Variants in ARHGAP6 observed in about 807,000 individuals in gnomAD.
The protein encoded by ARHGAP6 is rho GTPase-activating protein 6.
ARHGAP6 carries 16 observed loss-of-function variants against 55.7 expected under a neutral mutation model. The observed-to-expected ratio is 0.29, with a 90% confidence interval of 0.19 to 0.44. ARHGAP6 has a LOEUF of 0.44. Among genes scored for constraint, ARHGAP6 ranks in the 20% least tolerant of loss-of-function variants. ARHGAP6 has a pLI of 1.00. For missense variants in ARHGAP6, 698 were observed against 808.9 expected, an observed-to-expected ratio of 0.86 and a Z score of 1.66; for synonymous variants, 382 against 360.9, an observed-to-expected ratio of 1.06 and a Z score of -0.66.
chrX:11,634,145 G>T (rs1437520388), intron 1 of ARHGAP6, among the ~76,000 whole-genome samples: 1 of 107,755 alleles, frequency 9.3e-6, no homozygotes. Flanking sequence ...GGGACTGCAG[G>T]TGTGCACCAC....
At chrX:11,147,584 C>A (rs761690825) in intron 10 of ARHGAP6, among the ~76,000 whole-genome samples, 34 of 112,761 alleles carry the variant, frequency 3.0e-4, no homozygotes, top group African/African-American at 8.7e-4. Flanking sequence ...CCATTTTCCA[C>A]TTCTAAATCT....
intron 2 of ARHGAP6, among the ~76,000 whole-genome samples, chrX:11,229,331 T>C (rs965562120): frequency 1.3e-4 from 15 of 112,451 alleles, no homozygotes; most frequent in African/African-American, 3.5e-4. Flanking sequence ...TGCTGAGCCA[T>C]TGGCTTGTGG....
intron 2 of ARHGAP6, among the ~76,000 whole-genome samples, chrX:11,202,528 G>A (rs973917193): frequency 2.7e-5 from 3 of 110,900 alleles, no homozygotes; most frequent in Non-Finnish European, 5.7e-5. Context: ...TAAGAATTGG[G>A]TGGGCATGGT....
chrX:11,525,146 T>C (rs1337339055), intron 1 of ARHGAP6, among the ~76,000 whole-genome samples: 5 of 111,827 alleles, frequency 4.5e-5, no homozygotes, highest in East Asian at 5.6e-4. Context: ...GACCAGAGGA[T>C]TGGGGACCCC....
At chrX:11,248,408 T>C (rs2047379744) in intron 2 of ARHGAP6, among the ~76,000 whole-genome samples, 1 of 111,620 alleles carries the variant, frequency 9.0e-6, no homozygotes, top group South Asian at 3.7e-4. Context: ...AAAAGAAAGA[T>C]AAATAGCTGG....
chrX:11,431,403 G>C (rs754163451), intron 1 of ARHGAP6, among the ~76,000 whole-genome samples: 22 of 112,905 alleles, frequency 1.9e-4, no homozygotes, highest in Non-Finnish European at 3.4e-4. Context: ...CCTATAGGCT[G>C]AGTTAAAATT....
At chrX:11,623,696 C>CAAA (rs60192011) in intron 1 of ARHGAP6, among the ~76,000 whole-genome samples, 62 of 57,909 alleles carry the variant, frequency 1.1e-3, no homozygotes, top group African/African-American at 3.9e-3. Context: ...GACTCGGTCT[C>CAAA]AAAAAAAAAA....
intron 1 of ARHGAP6, among the ~76,000 whole-genome samples, chrX:11,264,976 G>A (rs1022646821): frequency 4.4e-5 from 5 of 112,368 alleles, no homozygotes; most frequent in African/African-American, 1.6e-4. Context: ...GTTAGGATTT[G>A]AAGCCAGGCT....
At chrX:11,378,938 C>T (rs1052476901) in intron 1 of ARHGAP6, among the ~76,000 whole-genome samples, 4 of 112,540 alleles carry the variant, frequency 3.6e-5, no homozygotes, top group African/African-American at 1.3e-4. Flanking sequence ...ACGGTTTTAT[C>T]AATACTATTA....
Position 11,179,427 on chromosome X carries a change from A to G in ARHGAP6, c.1355T>C (p.Ile452Thr), listed in dbSNP as rs2046281039. ...GTGCTCCTCCTCCAGAGAGACATCA[A>G]TCCCACGGTCAAATTCCTCACGTAA... Reference protein sequence around the residue: ...RQLREEFDRGIDVSLEEEHSV... With the variant: ...RQLREEFDRGTDVSLEEEHSV... The change falls in exon 7 of 13, where the codon ATT (isoleucine) becomes ACT (threonine). Residue 452 changes from isoleucine to threonine, a missense_variant. Around this residue, in one of 3 missense-constraint regions of ARHGAP6, gnomAD observed 322 missense variants for 451.1 expected, o/e 0.71. Transcript: ENST00000337414. 8.3e-7 allele frequency: 1 copy of G among 1,209,773 alleles called. No homozygotes were observed. Among genetic ancestry groups the G allele is most frequent in the Non-Finnish European group, 1.1e-6 (1 of 894,884 alleles).
chrX:11,518,881 A>G (rs1473141896), intron 1 of ARHGAP6, among the ~76,000 whole-genome samples: 3 of 87,319 alleles, frequency 3.4e-5, no homozygotes, highest in African/African-American at 1.3e-4. Context: ...GAGAATATGC[A>G]GTGTTTGGTT....
chrX:11,383,008 C>T (rs768631323), intron 1 of ARHGAP6, among the ~76,000 whole-genome samples: 1 of 112,092 alleles, frequency 8.9e-6, no homozygotes, highest in Non-Finnish European at 1.9e-5. Context: ...ACAAACTCCA[C>T]ATTATTTATT....
intron 1 of ARHGAP6, among the ~76,000 whole-genome samples, chrX:11,352,463 G>A (rs980733406): frequency 6.3e-5 from 7 of 111,841 alleles, no homozygotes; most frequent in African/African-American, 2.3e-4. Flanking sequence ...CTTAAAGACA[G>A]CACAGAAACC....
intron 1 of ARHGAP6, among the ~76,000 whole-genome samples, chrX:11,422,469 T>C (rs1180888316): frequency 9.0e-6 from 1 of 111,714 alleles, no homozygotes; most frequent in African/African-American, 3.3e-5. Flanking sequence ...ATGAAGCTAT[T>C]ATTCTAAGTG....
intron 1 of ARHGAP6, among the ~76,000 whole-genome samples, chrX:11,383,628 C>A (rs2049289203): frequency 9.0e-6 from 1 of 111,439 alleles, no homozygotes; most frequent in Non-Finnish European, 1.9e-5. Flanking sequence ...TACAAATTAT[C>A]AGCCCATATG....
intron 1 of ARHGAP6, among the ~76,000 whole-genome samples, chrX:11,324,715 G>A (rs972035058): frequency 3.6e-5 from 4 of 111,899 alleles, no homozygotes; most frequent in Non-Finnish European, 5.6e-5. Flanking sequence ...CTAAAATGGC[G>A]GGTATCATTG....
intron 1 of ARHGAP6, among the ~76,000 whole-genome samples, chrX:11,355,755 G>A (rs559485975): frequency 9.0e-6 from 1 of 111,519 alleles, no homozygotes; most frequent in African/African-American, 3.3e-5. Flanking sequence ...GTTCTCCTGT[G>A]TAAAGTGTCA....
chrX:11,249,893 A>G (rs765435943), intron 2 of ARHGAP6, among the ~76,000 whole-genome samples: 10 of 111,371 alleles, frequency 9.0e-5, no homozygotes, highest in Non-Finnish European at 1.7e-4. Context: ...AAAAAAATAT[A>G]TATCTACCTA....
chrX:11,399,961 G>A (rs1364479091), intron 1 of ARHGAP6, among the ~76,000 whole-genome samples: 1 of 111,891 alleles, frequency 8.9e-6, no homozygotes, highest in African/African-American at 3.2e-5. Flanking sequence ...TAAGTGAAAG[G>A]AGACAGTTAC....
Sources: allele counts gnomAD v4.1 joint callset (sites outside exome capture counted in the v4.1 genomes callset), GRCh38; gene constraint gnomAD v4.1.1; regional missense constraint gnomAD v4.1.1; transcripts MANE v1.5; gene names NCBI Gene and HGNC (gene_info 2026-07-23, HGNC 2026-07-21).